TCERG1L: variants seen among roughly 807,000 people sequenced by gnomAD.
TCERG1L encodes the protein transcription elongation regulator 1-like protein.
Under a neutral mutation model 56.3 loss-of-function variants are expected in TCERG1L, and 37 were observed. That is an observed-to-expected ratio of 0.66 (90% CI 0.51 to 0.87). The LOEUF is 0.87. TCERG1L is among the 40% of genes least tolerant of loss of function. The pLI is 0.00. For missense variants in TCERG1L, 799 were observed against 774.2 expected, an observed-to-expected ratio of 1.03 and a Z score of -0.38; for synonymous variants, 324 against 326.3, an observed-to-expected ratio of 0.99 and a Z score of 0.08.
intron 4 of TCERG1L, among the ~76,000 whole-genome samples, chr10:131,168,868 G>T (rs1159508002): frequency 2.0e-5 from 3 of 152,198 alleles, no homozygotes; most frequent in Non-Finnish European, 4.4e-5. Flanking sequence ...CCGACCACAG[G>T]GCTCCCATAC....
At position 131,308,019 on chromosome 10, in the gene TCERG1L, C is replaced by T. The variant is rs753759583; in HGVS notation, c.670+192G>A. On this transcript the variant is annotated intron_variant, in intron 3 of 11. Transcript: ENST00000368642. Reference sequence around the variant, plus strand: ...AACATCAGATCTCATATCCACCCACCCCAGAAAAAAATAGTGGATAAGCTA... The same window carrying T: ...AACATCAGATCTCATATCCACCCACTCCAGAAAAAAATAGTGGATAAGCTA... 5.3e-5 allele frequency among the ~76,000 whole-genome samples: 8 copies of T among 152,138 alleles called. No individual in the cohort carries two copies. In the East Asian group the frequency reaches 1.5e-3, roughly 29 times the overall value.
At chr10:131,111,687 C>T (rs1366432555) in intron 9 of TCERG1L, among the ~76,000 whole-genome samples, 3 of 143,028 alleles carry the variant, frequency 2.1e-5, no homozygotes, top group Admixed American at 6.9e-5. Flanking sequence ...CCCTCGTCCA[C>T]GCCCCGTGGG....
At chr10:131,121,596 G>A (rs777153557) in intron 8 of TCERG1L, among the ~76,000 whole-genome samples, 12 of 152,214 alleles carry the variant, frequency 7.9e-5, no homozygotes, top group Admixed American at 1.3e-4. Flanking sequence ...CACAGGAAGC[G>A]CCACACAGAT....
At chr10:131,202,249 G>A (rs957317758) in intron 4 of TCERG1L, among the ~76,000 whole-genome samples, 10 of 152,156 alleles carry the variant, frequency 6.6e-5, no homozygotes, top group East Asian at 3.9e-4. Flanking sequence ...GTAGGTATGC[G>A]CATGTCTGCA....
chr10:131,215,492 TGGA>T (rs59981075), intron 4 of TCERG1L, among the ~76,000 whole-genome samples: 6,474 of 152,286 alleles, frequency 0.043, 375 homozygotes, highest in East Asian at 0.25. Flanking sequence ...TTCCTGTTCT[TGGA>T]GGAGATGAAT....
chr10:131,226,774 T>C (rs969496856), intron 4 of TCERG1L, among the ~76,000 whole-genome samples: 1 of 152,256 alleles, frequency 6.6e-6, no homozygotes, highest in Non-Finnish European at 1.5e-5. Flanking sequence ...CTGGGTTCAT[T>C]TGGAACAAAA....
intron 3 of TCERG1L, among the ~76,000 whole-genome samples, chr10:131,264,812 C>T (rs980047867): frequency 2.0e-5 from 3 of 152,210 alleles, no homozygotes; most frequent in Non-Finnish European, 2.9e-5. Context: ...AGGGAATTCC[C>T]GCTCCAAGCC....
chr10:131,157,923 T>G (rs1337665474), intron 6 of TCERG1L, among the ~76,000 whole-genome samples: 1 of 152,258 alleles, frequency 6.6e-6, no homozygotes, highest in Non-Finnish European at 1.5e-5. Flanking sequence ...TCGACACCAT[T>G]TTCAATGGTT....
intron 3 of TCERG1L, among the ~76,000 whole-genome samples, chr10:131,279,065 C>T (rs559242627): frequency 1.3e-4 from 20 of 152,328 alleles, no homozygotes; most frequent in Middle Eastern, 3.4e-3. Flanking sequence ...CAGCTCTTTC[C>T]TTCCTGAGCC....
intron 8 of TCERG1L, among the ~76,000 whole-genome samples, chr10:131,120,537 G>C (rs1354361591): frequency 6.6e-6 from 1 of 152,226 alleles, no homozygotes; most frequent in African/African-American, 2.4e-5. Flanking sequence ...CCAAGTAGTT[G>C]TTGGCTCCAG....
At chr10:131,272,701 C>T (rs933729796) in intron 3 of TCERG1L, among the ~76,000 whole-genome samples, 4 of 152,198 alleles carry the variant, frequency 2.6e-5, no homozygotes, top group Non-Finnish European at 2.9e-5. Context: ...TGAACTGTGC[C>T]GTCCAGCGTG....
In TCERG1L at chr10:131,260,144, G is replaced by A. The variant is rs377193831; in HGVS notation, c.856+115C>T. On this transcript the variant is annotated intron_variant, in intron 4 of 11. Transcript: ENST00000368642. This position sits in a 1 kb window ranked among gnomAD's most constrained non-coding sequence, Gnocchi z 5.8. Reference sequence around the variant, plus strand: ...CCCCAGCCGAATGTTTCCCTCAACCGGAGCCGGGCTTCAGGTCCCACAGCG... The same window carrying A: ...CCCCAGCCGAATGTTTCCCTCAACCAGAGCCGGGCTTCAGGTCCCACAGCG... 6.5e-6 allele frequency: 8 copies of A among 1,235,562 alleles called. No individual in the cohort carries two copies. The highest frequency in any genetic ancestry group is 6.1e-6 in the Non-Finnish European group (6 of 989,916). The allele number at this position is 1,235,562 out of a possible 1,614,324, so 76.5% of individuals were successfully genotyped here.
intron 4 of TCERG1L, among the ~76,000 whole-genome samples, chr10:131,200,859 G>T (rs925273929): frequency 2.0e-5 from 3 of 151,186 alleles, no homozygotes; most frequent in African/African-American, 7.3e-5. Flanking sequence ...GGGGCCTTTA[G>T]GAGTCGCTTA....
intron 4 of TCERG1L, among the ~76,000 whole-genome samples, chr10:131,177,795 G>A (rs7896035): frequency 0.46 from 69,228 of 151,022 alleles, 18,940 homozygotes; most frequent in South Asian, 0.68. Context: ...CTCCTGGCAC[G>A]TGACTCTGGA....
Position 131,103,319 on chromosome 10 carries a change from T to C in TCERG1L, c.1485+946A>G, listed in dbSNP as rs941207159. ...AATTATCTTTGGCTACAGAGATCCATAACAGGACGAAGCCAGTCTGAGGAG... is the reference window on the plus strand; with the variant it reads ...AATTATCTTTGGCTACAGAGATCCACAACAGGACGAAGCCAGTCTGAGGAG... On this transcript the variant is annotated intron_variant, in intron 10 of 11. Coordinates refer to ENST00000368642, the MANE Select transcript of TCERG1L (RefSeq NM_174937.4). This position sits in a 1 kb window ranked among gnomAD's most constrained non-coding sequence, Gnocchi z 4.3. Among the ~76,000 whole-genome samples the C allele has an allele frequency of 6.6e-6, 1 of 152,202 alleles. No individual in the cohort carries two copies. Among genetic ancestry groups the C allele is most frequent in the Non-Finnish European group, 1.5e-5 (1 of 68,040 alleles).
chr10:131,197,073 C>T (rs977404249), intron 4 of TCERG1L, among the ~76,000 whole-genome samples: 1 of 152,170 alleles, frequency 6.6e-6, no homozygotes. Context: ...ACAAGACACT[C>T]CCTGTGTGGT....
intron 9 of TCERG1L, among the ~76,000 whole-genome samples, chr10:131,108,810 C>T (rs118112198): frequency 0.029 from 4,420 of 152,226 alleles, 88 homozygotes; most frequent in Non-Finnish European, 0.043. Flanking sequence ...CTGGATGTTG[C>T]GAGAATTCAG....
chr10:131,261,509 T>C (rs1409634916), intron 3 of TCERG1L, among the ~76,000 whole-genome samples: 2 of 152,234 alleles, frequency 1.3e-5, no homozygotes, highest in African/African-American at 4.8e-5. Context: ...GGACGGTCAG[T>C]GGTCAGCACG....
At chr10:131,221,356 G>A (rs1052005150) in intron 4 of TCERG1L, among the ~76,000 whole-genome samples, 3 of 152,200 alleles carry the variant, frequency 2.0e-5, no homozygotes, top group Admixed American at 2.0e-4. Flanking sequence ...CCTTCTCAAT[G>A]TTTTCTACAG....
Sources: gnomAD v4.1 joint callset for allele counts (sites outside exome capture counted in the v4.1 genomes callset) on GRCh38, gnomAD v4.1.1 for gene constraint, Gnocchi (gnomAD v3.1) non-coding constraint, MANE v1.5 for transcripts, NCBI Gene and HGNC (gene_info 2026-07-23, HGNC 2026-07-21) for gene names.